Variants in KCNU1 observed in about 807,000 individuals in gnomAD.
KCNU1 encodes potassium calcium-activated channel subfamily U member 1.
Under a neutral mutation model 126.8 loss-of-function variants are expected in KCNU1, and 93 were observed. That is an observed-to-expected ratio of 0.73 (90% CI 0.62 to 0.87). The LOEUF (loss-of-function observed/expected upper bound fraction) is 0.87. KCNU1 is among the 40% of genes least tolerant of loss of function. KCNU1 has a pLI of 0.00. For missense variants in KCNU1, 1,330 were observed against 1,367.1 expected (o/e 0.97, Z 0.43); for synonymous variants, 523 against 494.2 (o/e 1.06, Z -0.77).
intron 2 of KCNU1, among the ~76,000 whole-genome samples, chr8:36,801,173 TG>T (rs1459286412): frequency 3.3e-5 from 5 of 152,106 alleles, no homozygotes; most frequent in African/African-American, 1.2e-4. Context: ...CTTATAAATT[TG>T]GGGGAAAGAA....
intron 14 of KCNU1, among the ~76,000 whole-genome samples, chr8:36,838,203 C>CACT (rs1346384876): frequency 6.6e-6 from 1 of 152,164 alleles, no homozygotes; most frequent in African/African-American, 2.4e-5. Flanking sequence ...TTGATAAGGA[C>CACT]ACTGTCATTG....
chr8:36,863,931 C>T lies in KCNU1; in HGVS notation c.1892-473C>T, dbSNP rs114265271. On this transcript the variant is annotated intron_variant, in intron 18 of 26. Transcript: ENST00000399881. ...TTTTGATATGCATTTACTGTAAGAT[C>T]GAGATTCTTCAAAAGTCAAAATTAA... Among the ~76,000 whole-genome samples the T allele has an allele frequency of 5.9e-3, 891 of 152,084 alleles. 6 individuals carry two copies. The highest frequency in any genetic ancestry group is 0.019 in the African/African-American group (789 of 41,488).
At chr8:36,789,024 T>C (rs921768676) in intron 2 of KCNU1, among the ~76,000 whole-genome samples, 3 of 152,180 alleles carry the variant, frequency 2.0e-5, no homozygotes, top group Admixed American at 6.5e-5. Context: ...GATTAGCTAG[T>C]TGGAACAGCA....
rs1803973832 is a variant in KCNU1 at position 36,817,733 on chromosome 8, T to A, written c.1079T>A (p.Ile360Asn). Residue 360 changes from isoleucine to asparagine, a missense_variant, in exon 10 of 27, where the codon ATC becomes AAC. Physicochemically the swap from Ile to Asn is moderately radical, Grantham distance 149 (BLOSUM62 -3). Around this residue, in one of 3 missense-constraint regions of KCNU1, gnomAD observed 1,054 missense variants for 1,053.9 expected, o/e 1.00. Transcript: ENST00000399881. ...TTCCTCCGCGACAAGTCAGGAGAGA[T>A]CAACACTGAAATTGTTTTCCTGGGA... ...RNFLRDKSGEINTEIVFLGET... is the reference protein window; with the variant it reads ...RNFLRDKSGENNTEIVFLGET... 6.2e-7 allele frequency: 1 copy of A among 1,605,948 alleles called. No individual in the cohort carries two copies. The highest frequency in any genetic ancestry group is 1.7e-4 in the Middle Eastern group (1 of 6,040).
chr8:36,818,173 T>C (rs1190823484), intron 10 of KCNU1, among the ~76,000 whole-genome samples: 1 of 152,224 alleles, frequency 6.6e-6, no homozygotes, highest in Non-Finnish European at 1.5e-5. Context: ...ATCTTTCCAC[T>C]AGCAGAGCCT....
rs759178895 is a variant in KCNU1 at position 36,935,810 on chromosome 8, A to G, written c.3340A>G (p.Ser1114Gly). ...AGCATGGAATCAGAGTAGAACAAAC[A>G]GTATTATATCATCTCAGATACCTTT... ...QIAWNQSRTN[S>G]IISSQIPLGD... The change falls in exon 27 of 27, where the codon AGT (serine) becomes GGT (glycine). Residue 1114 changes from serine (S) to glycine (G), a missense_variant. This residue lies in a region of KCNU1 where 1,054 missense variants were observed against 1,053.9 expected (regional missense o/e 1.00). Transcript: ENST00000399881. The G allele has an allele frequency of 6.8e-6, 11 of 1,613,152 alleles. No individual in the cohort carries two copies. The South Asian group carries it at 1.2e-4, about 18-fold the overall frequency.
intron 18 of KCNU1, among the ~76,000 whole-genome samples, chr8:36,858,999 T>TAA (rs1805633772): frequency 6.6e-6 from 1 of 152,162 alleles, no homozygotes; most frequent in Non-Finnish European, 1.5e-5. Flanking sequence ...GGAACTCTAT[T>TAA]AATCTGGTAC....
chr8:36,876,259 T>C (rs1428730558), intron 19 of KCNU1, among the ~76,000 whole-genome samples: 1 of 152,216 alleles, frequency 6.6e-6, no homozygotes, highest in East Asian at 1.9e-4. Flanking sequence ...TTGACTTCTC[T>C]ACATAGATTC....
At chr8:36,807,531 T>C (rs1402709112) in intron 6 of KCNU1, 81 bp downstream of exon 6, 1 of 988,828 alleles carries the variant, frequency 1.0e-6, no homozygotes, top group Admixed American at 1.8e-5. Context: ...CTAAACTCAA[T>C]GCATTTCTTA....
At position 36,918,831 on chromosome 8, in the gene KCNU1, C is replaced by G. The variant is rs1341100780; in HGVS notation, c.2530C>G (p.Pro844Ala). 6.2e-7 allele frequency: 1 copy of G among 1,601,752 alleles called. No homozygotes were observed. The highest frequency in any genetic ancestry group is 8.6e-7 in the Non-Finnish European group (1 of 1,168,910). Residue 844 changes from proline to alanine, a missense_variant, in exon 23 of 27, where the codon CCA becomes GCA. Around this residue, in one of 3 missense-constraint regions of KCNU1, gnomAD observed 1,054 missense variants for 1,053.9 expected, o/e 1.00. Transcript: ENST00000399881. The part of the protein sequence containing the change: ...DPSPSVSEET[P>A]GYTNGHNEKS... Reference sequence around the variant, plus strand: ...TCTTTTCTTCTTTGCAGAGGAGACTCCAGGTTACACAAATGGACATAATGA... The same window carrying G: ...TCTTTTCTTCTTTGCAGAGGAGACTGCAGGTTACACAAATGGACATAATGA...
chr8:36,912,743 G>A (rs904869817), intron 22 of KCNU1, among the ~76,000 whole-genome samples: 57 of 151,994 alleles, frequency 3.8e-4, no homozygotes, highest in African/African-American at 1.3e-3. Context: ...AGGCCGAGGT[G>A]GGGGGATCAC....
chr8:36,805,077 G>T, intron 3 of KCNU1, 118 bp from the exon 4 acceptor site: 1 of 629,740 alleles, frequency 1.6e-6, no homozygotes, highest in East Asian at 2.8e-5. Flanking sequence ...CTTAACTTAA[G>T]TGTCTGGATT....
chr8:36,914,882 G>A (rs1349157969), intron 22 of KCNU1, among the ~76,000 whole-genome samples: 5 of 152,168 alleles, frequency 3.3e-5, no homozygotes, highest in Admixed American at 1.3e-4. Context: ...ATAGCACCCT[G>A]CCAGGCTGGA....
At chr8:36,839,673 C>T (rs1223420139) in intron 14 of KCNU1, among the ~76,000 whole-genome samples, 1 of 152,162 alleles carries the variant, frequency 6.6e-6, no homozygotes, top group East Asian at 1.9e-4. Flanking sequence ...AGCCATAACT[C>T]TCCATAGCAA....
chr8:36,842,740 G>A (rs766233107), intron 16 of KCNU1, among the ~76,000 whole-genome samples: 10 of 152,056 alleles, frequency 6.6e-5, no homozygotes, highest in Non-Finnish European at 1.3e-4. Context: ...GCACAATTTC[G>A]GCTCACTGCA....
intron 2 of KCNU1, among the ~76,000 whole-genome samples, chr8:36,801,220 A>C (rs1803291662): frequency 1.3e-5 from 2 of 152,180 alleles, no homozygotes; most frequent in Non-Finnish European, 2.9e-5. Context: ...ATAATAGGAA[A>C]GTCTGATTAG....
chr8:36,936,019 T>G lies in KCNU1; in HGVS notation c.*99T>G. The G allele has an allele frequency of 8.6e-7, 1 of 1,156,968 alleles. No individual in the cohort carries two copies. The highest frequency in any genetic ancestry group is 1.2e-6 in the Non-Finnish European group (1 of 826,924). The allele number at this position is 1,156,968 out of a possible 1,614,324, so 71.7% of individuals were successfully genotyped here. A position where few individuals can be genotyped will look rare whatever the true frequency, so the allele number is the denominator to read the frequency against. On this transcript the variant is annotated 3_prime_UTR_variant, in exon 27 of 27. Transcript: ENST00000399881. ...AGAAAATAAGAATGGAAGCATGCCA[T>G]TTTTCTGCCCATTGCTTAGTGGTTC...
intron 24 of KCNU1, among the ~76,000 whole-genome samples, chr8:36,928,190 G>A (rs980131586): frequency 1.3e-5 from 2 of 152,094 alleles, no homozygotes; most frequent in African/African-American, 4.8e-5. Context: ...TCCTTTTGAT[G>A]ATGCCAGAAC....
chr8:36,908,709 G>A (rs1023502521), intron 20 of KCNU1, among the ~76,000 whole-genome samples: 2 of 152,008 alleles, frequency 1.3e-5, no homozygotes, highest in African/African-American at 4.8e-5. Context: ...TTTGCGTGAT[G>A]AATTTCCTTG....
Sources: allele counts gnomAD v4.1 joint callset (sites outside exome capture counted in the v4.1 genomes callset), GRCh38; gene constraint gnomAD v4.1.1; regional missense constraint gnomAD v4.1.1; transcripts MANE v1.5; gene names NCBI Gene and HGNC (gene_info 2026-07-23, HGNC 2026-07-21).